RAPGEF4: variants seen among roughly 807,000 people sequenced by gnomAD.
RAPGEF4 encodes the protein Rap guanine nucleotide exchange factor 4, also known as RAP guanine-nucleotide-exchange factor (GEF) 4.
A neutral mutation model predicts 147.9 loss-of-function variants in RAPGEF4; 66 were observed. That is an observed-to-expected ratio of 0.45 (90% CI 0.37 to 0.55). RAPGEF4 has a LOEUF of 0.55. Ranked by LOEUF, RAPGEF4 falls within the 20% of genes least tolerant of loss-of-function variation. The pLI, the probability that RAPGEF4 is intolerant of heterozygous loss-of-function variation, is 0.00. For missense variants in RAPGEF4, 1,071 were observed against 1,257.3 expected, an observed-to-expected ratio of 0.85 and a Z score of 2.24; for synonymous variants, 419 against 442.7, an observed-to-expected ratio of 0.95 and a Z score of 0.67.
intron 16 of RAPGEF4, among the ~76,000 whole-genome samples, chr2:173,000,750 C>CTTTTTTTTTTTTTTTTT (rs1164657530): frequency 4.1e-5 from 1 of 24,244 alleles, no homozygotes; most frequent in Admixed American, 4.4e-4. Flanking sequence ...TTCTTTCTTT[C>CTTTTTTTTTTTTTTTTT]TTTTTTTTTT....
intron 1 of RAPGEF4, among the ~76,000 whole-genome samples, chr2:172,791,859 T>C (rs1398073995): frequency 6.6e-6 from 1 of 152,188 alleles, no homozygotes; most frequent in African/African-American, 2.4e-5. Context: ...GCTAAAAATC[T>C]TTTTAGCTGC....
intron 3 of RAPGEF4, 131 bp downstream of exon 3, chr2:172,797,744 G>C (rs1686527084): frequency 1.5e-6 from 1 of 651,046 alleles, no homozygotes; most frequent in East Asian, 2.8e-5. Context: ...GTTCAGCACT[G>C]TTTGTTGGAT....
intron 10 of RAPGEF4, among the ~76,000 whole-genome samples, chr2:172,970,109 GAA>G (rs1303461232): frequency 1.3e-5 from 2 of 151,338 alleles, no homozygotes; most frequent in Non-Finnish European, 2.9e-5. Flanking sequence ...CGAGAGATGG[GAA>G]AGTGAAAAAT....
intron 17 of RAPGEF4, among the ~76,000 whole-genome samples, chr2:173,013,684 TA>T (rs1350986685): frequency 1.3e-5 from 2 of 152,114 alleles, no homozygotes; most frequent in African/African-American, 4.8e-5. Context: ...CTTGTTGCAT[TA>T]ATGAATAAAT....
chr2:172,839,908 T>C (rs1691397355), intron 4 of RAPGEF4, among the ~76,000 whole-genome samples: 1 of 152,182 alleles, frequency 6.6e-6, no homozygotes, highest in Non-Finnish European at 1.5e-5. Flanking sequence ...CATATGCATA[T>C]GAAAGGCAGA....
chr2:172,902,341 C>T (rs62174623), intron 4 of RAPGEF4, among the ~76,000 whole-genome samples: 31,702 of 151,654 alleles, frequency 0.21, 3,858 homozygotes, highest in Middle Eastern at 0.29. Flanking sequence ...GTCTCACTCT[C>T]GCCCAGGCTG....
rs187635087 is a variant in RAPGEF4, at chr2:172,966,842, T to C, written c.821-419T>C. Among the ~76,000 whole-genome samples, 21 of 152,358 alleles carry C rather than the reference T, an allele frequency of 1.4e-4. 1 individual carries two copies. The highest frequency in any genetic ancestry group is 4.6e-4 in the African/African-American group (19 of 41,588). ...CATATAGAAAGAATAACATAAATTC[T>C]GATCCTGACAAGGCAGATTGTTTTC... On this transcript the variant is annotated intron_variant, in intron 9 of 30. Coordinates refer to ENST00000397081, the MANE Select transcript of RAPGEF4 (RefSeq NM_007023.4).
At chr2:173,039,414 G>A (rs1165374098) in intron 29 of RAPGEF4, among the ~76,000 whole-genome samples, 3 of 151,646 alleles carry the variant, frequency 2.0e-5, no homozygotes, top group South Asian at 2.1e-4. Context: ...ACAGTGAGCC[G>A]AGATTGCACC....
intron 16 of RAPGEF4, among the ~76,000 whole-genome samples, chr2:173,000,929 G>A (rs1693852332): frequency 6.6e-6 from 1 of 152,016 alleles, no homozygotes; most frequent in South Asian, 2.1e-4. Context: ...ACAAAGAAAC[G>A]ACCATGTCTT....
chr2:173,001,365 T>TAA, intron 17 of RAPGEF4, 21 bp downstream of exon 17: 3 of 1,613,498 alleles, frequency 1.9e-6, no homozygotes, highest in Non-Finnish European at 2.5e-6. Context: ...ATTGTGATTG[T>TAA]AAGTCCCTAT....
chr2:173,030,495 T>C (rs760192013), intron 26 of RAPGEF4, among the ~76,000 whole-genome samples: 1 of 152,214 alleles, frequency 6.6e-6, no homozygotes, highest in Non-Finnish European at 1.5e-5. Flanking sequence ...TCTTGATATA[T>C]GCAATGTAAA....
chr2:173,049,241 A>T (rs1685892133), intron 30 of RAPGEF4, among the ~76,000 whole-genome samples: 1 of 152,206 alleles, frequency 6.6e-6, no homozygotes, highest in Non-Finnish European at 1.5e-5. Context: ...AATATAAAAA[A>T]ATTACTAATA....
chr2:172,805,284 A>G (rs886183974), intron 3 of RAPGEF4, among the ~76,000 whole-genome samples: 2 of 152,162 alleles, frequency 1.3e-5, no homozygotes, highest in South Asian at 2.1e-4. Flanking sequence ...CTGGGGCTGC[A>G]TTGCTTTCAT....
chr2:172,915,551 T>A (rs1683973865), intron 4 of RAPGEF4, among the ~76,000 whole-genome samples: 1 of 151,534 alleles, frequency 6.6e-6, no homozygotes, highest in South Asian at 2.1e-4. Flanking sequence ...AAAAAAAAAT[T>A]AGCCAGGCAT....
At chr2:172,955,976 C>G (rs1688688302) in intron 6 of RAPGEF4, among the ~76,000 whole-genome samples, 1 of 152,216 alleles carries the variant, frequency 6.6e-6, no homozygotes, top group Admixed American at 6.5e-5. Context: ...ACGGATACTG[C>G]AGTGCTGCTT....
At chr2:172,925,687 G>A (rs1438355403) in intron 6 of RAPGEF4, among the ~76,000 whole-genome samples, 1 of 151,430 alleles carries the variant, frequency 6.6e-6, no homozygotes, top group Non-Finnish European at 1.5e-5. Flanking sequence ...AGGCTACAGT[G>A]AGCCATAATT....
chr2:172,818,544 A>G (rs1195456359), intron 4 of RAPGEF4, among the ~76,000 whole-genome samples: 1 of 152,094 alleles, frequency 6.6e-6, no homozygotes, highest in Non-Finnish European at 1.5e-5. Context: ...TTGAGTGTTT[A>G]CTTTTGAGGA....
chr2:172,900,521 G>C (rs1485652383), intron 4 of RAPGEF4, among the ~76,000 whole-genome samples: 1 of 152,192 alleles, frequency 6.6e-6, no homozygotes, highest in African/African-American at 2.4e-5. Context: ...TTACAGGCAT[G>C]AGCCACTGTG....
chr2:173,000,532 A>G (rs1693791342), intron 16 of RAPGEF4, among the ~76,000 whole-genome samples: 1 of 152,156 alleles, frequency 6.6e-6, no homozygotes, highest in African/African-American at 2.4e-5. Flanking sequence ...GTCTGCAATG[A>G]AGAACCAGCA....
Sources: allele counts gnomAD v4.1 joint callset (sites outside exome capture counted in the v4.1 genomes callset), GRCh38; gene constraint gnomAD v4.1.1; transcripts MANE v1.5; gene names NCBI Gene and HGNC (gene_info 2026-07-23, HGNC 2026-07-21).